The following ABTB2 variants were observed in gnomAD, a reference collection of about 807,000 sequenced individuals.
ABTB2 encodes the protein ankyrin repeat and BTB/POZ domain-containing protein 2.
ABTB2 carries 56 observed loss-of-function variants against 104.1 expected under a neutral mutation model. That is an observed-to-expected ratio of 0.54 (90% CI 0.43 to 0.67). The LOEUF is 0.67. Among genes scored for constraint, ABTB2 ranks in the 30% least tolerant of loss-of-function variants. The pLI is 0.00. For missense variants in ABTB2, 1,279 were observed against 1,407.7 expected, an observed-to-expected ratio of 0.91 and a Z score of 1.46; for synonymous variants, 606 against 608.2, an observed-to-expected ratio of 1.00 and a Z score of 0.05.
chr11:34,337,253 C>T (rs1399314085), intron 1 of ABTB2, among the ~76,000 whole-genome samples: 1 of 152,212 alleles, frequency 6.6e-6, no homozygotes, highest in East Asian at 1.9e-4. Flanking sequence ...AGAAGAGTTG[C>T]ATGCAGGGGC....
chr11:34,278,693 C>T (rs1034587516), intron 1 of ABTB2, among the ~76,000 whole-genome samples: 1 of 152,198 alleles, frequency 6.6e-6, no homozygotes, highest in Admixed American at 6.5e-5. Context: ...AGGGCCTGTG[C>T]TTGTCAATAA....
At chr11:34,307,214 A>G (rs910000640) in intron 1 of ABTB2, among the ~76,000 whole-genome samples, 3 of 152,150 alleles carry the variant, frequency 2.0e-5, no homozygotes, top group African/African-American at 2.4e-5. Context: ...ACTGTTCAAC[A>G]GCAACCAATG....
chr11:34,276,982 A>G (rs141844683), intron 1 of ABTB2, among the ~76,000 whole-genome samples: 354 of 152,244 alleles, frequency 2.3e-3, no homozygotes, highest in African/African-American at 8.3e-3. Context: ...GCTTACTGCA[A>G]TCTCCACCTC....
chr11:34,251,278 G>C (rs1026233761), intron 1 of ABTB2, among the ~76,000 whole-genome samples: 1 of 152,234 alleles, frequency 6.6e-6, no homozygotes, highest in African/African-American at 2.4e-5. Flanking sequence ...ACTCAGCTGT[G>C]AATCATGCCT....
At chr11:34,211,286 T>G (rs1363319202) in intron 1 of ABTB2, among the ~76,000 whole-genome samples, 45 of 152,130 alleles carry the variant, frequency 3.0e-4, no homozygotes, top group Non-Finnish European at 7.3e-5. Context: ...TTTTGTATTT[T>G]TTGGAGAGAT....
chr11:34,154,840 G>C lies in ABTB2; in HGVS notation c.2698-71C>G, dbSNP rs1312428927. 3.3e-6 allele frequency: 5 copies of C among 1,520,502 alleles called. No homozygotes were observed. Among genetic ancestry groups the C allele is most frequent in the Admixed American group, 3.4e-5 (2 of 58,690 alleles). 94.2% of individuals were successfully genotyped at this position (1,520,502 alleles called of 1,614,324 possible). ...ATGAAAGTCCTTGCCAGCCCCACAGGGTACTGCTCCAGCTGCCGCCTCCAG... is the reference window on the plus strand; with the variant it reads ...ATGAAAGTCCTTGCCAGCCCCACAGCGTACTGCTCCAGCTGCCGCCTCCAG... On this transcript the variant is annotated intron_variant, in intron 14 of 16. Coordinates refer to ENST00000435224, the MANE Select transcript of ABTB2 (RefSeq NM_145804.3). The surrounding 1 kb of genome is among the most constrained non-coding windows in gnomAD (Gnocchi z 4.9).
chr11:34,299,546 C>T (rs867396923), intron 1 of ABTB2, among the ~76,000 whole-genome samples: 1 of 152,210 alleles, frequency 6.6e-6, no homozygotes, highest in Non-Finnish European at 1.5e-5. Flanking sequence ...GGTGGCAGCT[C>T]GGCCCATCCT....
chr11:34,343,952 C>T (rs1855297551), intron 1 of ABTB2, among the ~76,000 whole-genome samples: 1 of 152,044 alleles, frequency 6.6e-6, no homozygotes, highest in Non-Finnish European at 1.5e-5. Flanking sequence ...TCCTTCAGAC[C>T]CCATCTCTTA....
chr11:34,175,696 G>A (rs1852951841), intron 3 of ABTB2, among the ~76,000 whole-genome samples: 1 of 152,182 alleles, frequency 6.6e-6, no homozygotes, highest in African/African-American at 2.4e-5. Flanking sequence ...GGTCCACTGA[G>A]CATACCAATC....
intron 1 of ABTB2, among the ~76,000 whole-genome samples, chr11:34,319,866 C>T (rs186643988): frequency 6.6e-6 from 1 of 152,214 alleles, no homozygotes; most frequent in East Asian, 1.9e-4. Context: ...ATGGGTTTCA[C>T]CATGTTGGCC....
intron 1 of ABTB2, among the ~76,000 whole-genome samples, chr11:34,285,116 AG>A (rs1453449626): frequency 6.6e-6 from 1 of 152,000 alleles, no homozygotes; most frequent in Non-Finnish European, 1.5e-5. Flanking sequence ...GACCAGGCGG[AG>A]GGGGGCTGTC....
At chr11:34,335,192 A>G in intron 1 of ABTB2, 2 of 1,261,630 alleles carry the variant, frequency 1.6e-6, no homozygotes, top group Non-Finnish European at 2.3e-6. Flanking sequence ...CTACACGGGT[A>G]CCCCAGAGAC....
chr11:34,178,474 C>T (rs867432718), intron 3 of ABTB2, among the ~76,000 whole-genome samples: 2 of 152,302 alleles, frequency 1.3e-5, no homozygotes, highest in Middle Eastern at 3.4e-3. Flanking sequence ...TCTGCAACAG[C>T]GTGGCTGTGT....
At chr11:34,171,211 C>T in intron 4 of ABTB2, 140 bp from the exon 5 acceptor site, 1 of 829,354 alleles carries the variant, frequency 1.2e-6, no homozygotes, top group Non-Finnish European at 1.9e-6. Context: ...ATCAGATCAG[C>T]AATTACTGTC....
chr11:34,351,233 G>A (rs1855394555), intron 1 of ABTB2, among the ~76,000 whole-genome samples: 1 of 152,174 alleles, frequency 6.6e-6, no homozygotes, highest in Non-Finnish European at 1.5e-5. Context: ...GGAGGCAGAT[G>A]GAGTGGGACA....
intron 1 of ABTB2, among the ~76,000 whole-genome samples, chr11:34,354,502 TG>T (rs1234796886): frequency 2.8e-4 from 1 of 3,606 alleles, no homozygotes; most frequent in South Asian, 8.2e-3. Context: ...GGGGTGGGGG[TG>T]GGGGGGTAGG....
At chr11:34,216,541 A>G (rs1419723001) in intron 1 of ABTB2, among the ~76,000 whole-genome samples, 1 of 152,196 alleles carries the variant, frequency 6.6e-6, no homozygotes, top group Non-Finnish European at 1.5e-5. Flanking sequence ...ACTTGAGGTC[A>G]GGAGTTCAAG....
At chr11:34,291,905 GT>G (rs796382639) in intron 1 of ABTB2, among the ~76,000 whole-genome samples, 111 of 145,996 alleles carry the variant, frequency 7.6e-4, no homozygotes, top group South Asian at 2.0e-3. Flanking sequence ...CTAATAAGAG[GT>G]TTTTTTTTTT....
intron 1 of ABTB2, among the ~76,000 whole-genome samples, chr11:34,222,923 C>T (rs766598249): frequency 6.6e-6 from 1 of 152,200 alleles, no homozygotes; most frequent in Non-Finnish European, 1.5e-5. Flanking sequence ...GGAAGGTGGG[C>T]CTTTCCCTGG....
Sources: allele counts gnomAD v4.1 joint callset (sites outside exome capture counted in the v4.1 genomes callset), GRCh38; gene constraint gnomAD v4.1.1; non-coding constraint Gnocchi (gnomAD v3.1); transcripts MANE v1.5; gene names NCBI Gene and HGNC (gene_info 2026-07-23, HGNC 2026-07-21).